Variants in ATRN observed in about 807,000 individuals in gnomAD.
ATRN encodes attractin, also known as attractin-2.
A neutral mutation model predicts 178.7 loss-of-function variants in ATRN; 54 were observed. That is an observed-to-expected ratio of 0.30 (90% CI 0.24 to 0.38). The LOEUF (loss-of-function observed/expected upper bound fraction) is 0.38, where lower values mean the gene tolerates loss of function less well. ATRN is among the 10% of genes least tolerant of loss of function. ATRN has a pLI of 1.00. For missense variants in ATRN, 1,443 were observed against 1,815.1 expected, an observed-to-expected ratio of 0.79 and a Z score of 3.73; for synonymous variants, 636 against 663.0, an observed-to-expected ratio of 0.96 and a Z score of 0.63.
At chr20:3,484,094 T>A (rs1405808618) in intron 1 of ATRN, among the ~76,000 whole-genome samples, 3 of 151,944 alleles carry the variant, frequency 2.0e-5, no homozygotes, top group Non-Finnish European at 4.4e-5. Context: ...TAAAAAAATT[T>A]AAAAATTTGC....
At chr20:3,606,422 T>G (rs2086677912) in intron 24 of ATRN, among the ~76,000 whole-genome samples, 1 of 58,100 alleles carries the variant, frequency 1.7e-5, no homozygotes, top group African/African-American at 6.8e-5. Context: ...TCAGACCTGG[T>G]CCTTTTCTCT....
In ATRN at chr20:3,587,154, A is replaced by G. The variant is rs371446475; in HGVS notation, c.3184+2274A>G. On this transcript the variant is annotated intron_variant, in intron 18 of 28. Coordinates refer to ENST00000262919, the MANE Select transcript of ATRN (RefSeq NM_139321.3). The stretch of plus-strand genomic sequence containing the variant: ...TCCCTTATTGGATATATTATTTGCA[A>G]ATACTTTCTCCCATTATATGGGTTT... Among the ~76,000 whole-genome samples the G allele has an allele frequency of 3.3e-5, 5 of 152,284 alleles. No homozygotes were observed. In the South Asian group the frequency reaches 6.2e-4, roughly 19 times the overall value.
At chr20:3,637,500 C>T (rs751076544) in intron 26 of ATRN, among the ~76,000 whole-genome samples, 2 of 151,990 alleles carry the variant, frequency 1.3e-5, no homozygotes, top group Non-Finnish European at 2.9e-5. Context: ...ATAAAAATGC[C>T]CTTCTAGAAC....
intron 1 of ATRN, among the ~76,000 whole-genome samples, chr20:3,495,868 A>G (rs376263645): frequency 4.6e-5 from 7 of 152,072 alleles, no homozygotes; most frequent in African/African-American, 1.4e-4. Context: ...ATTTTTGTGC[A>G]TATATATAAA....
chr20:3,564,270 AGAGC>A (rs1328476836), intron 10 of ATRN, among the ~76,000 whole-genome samples: 1 of 152,258 alleles, frequency 6.6e-6, no homozygotes, highest in Non-Finnish European at 1.5e-5. Context: ...AGAATGTATG[AGAGC>A]ACCTCTGAGT....
chr20:3,601,868 A>G (rs557961208), intron 23 of ATRN, among the ~76,000 whole-genome samples: 101 of 92,754 alleles, frequency 1.1e-3, no homozygotes, highest in African/African-American at 3.7e-3. Flanking sequence ...CCATCTCTTT[A>G]AAAAAAAAAA....
chr20:3,492,703 A>G (rs2084812023), intron 1 of ATRN, among the ~76,000 whole-genome samples: 1 of 151,914 alleles, frequency 6.6e-6, no homozygotes, highest in Admixed American at 6.6e-5. Context: ...GGGAGAAGCT[A>G]TTTTATCATT....
Position 3,471,322 on chromosome 20 carries a change from T to C in ATRN, c.215T>C (p.Leu72Pro), listed in dbSNP as rs1039364929. 169 of 1,441,594 alleles carry C rather than the reference T, an allele frequency of 1.2e-4. No individual in the cohort carries two copies. The highest frequency in any genetic ancestry group is 3.7e-4 in the Admixed American group (14 of 38,346). 89.3% of individuals were successfully genotyped at this position (1,441,594 alleles called of 1,614,324 possible). ...CTGCTGTTGTTGCTCTCGCCGCCGC[T>C]GCTGCTGCTGCTGCTGCCCTGTGAG... ...LLLLLLLSPPLLLLLLPCEAE... is the reference protein window; with the variant it reads ...LLLLLLLSPPPLLLLLPCEAE... Residue 72 changes from leucine to proline, a missense_variant, in exon 1 of 29, where the codon CTG (leucine) becomes CCG (proline). Physicochemically the swap from Leu to Pro is moderately conservative, Grantham distance 98. Around this residue, in one of 4 missense-constraint regions of ATRN, gnomAD observed 862 missense variants for 972.1 expected, o/e 0.89. Transcript: ENST00000262919.
rs534798438 is a variant in ATRN, at chr20:3,523,863, T to A, written c.411-11390T>A. Among the ~76,000 whole-genome samples the A allele has an allele frequency of 7.2e-5, 11 of 152,294 alleles. No homozygotes were observed. In the East Asian group the frequency reaches 2.1e-3, roughly 29 times the overall value. The stretch of plus-strand genomic sequence containing the variant: ...AATAAAATTATTTACAGACAAGCAA[T>A]TGCTGAGATATTTTGTCATCACCAG... On this transcript the variant is annotated intron_variant, in intron 1 of 28. Coordinates refer to ENST00000262919, the MANE Select transcript of ATRN (RefSeq NM_139321.3).
At chr20:3,478,054 CTGTT>C (rs2084554722) in intron 1 of ATRN, among the ~76,000 whole-genome samples, 1 of 152,124 alleles carries the variant, frequency 6.6e-6, no homozygotes. Flanking sequence ...CTCTTTCTAC[CTGTT>C]TGTTTTTTTC....
chr20:3,650,433 T>C lies in ATRN; in HGVS notation c.*3586T>C, dbSNP rs1182176674. 6.6e-6 allele frequency: 1 copy of C among 152,628 alleles called. No homozygotes were observed. Among genetic ancestry groups the C allele is most frequent in the Admixed American group, 6.5e-5 (1 of 15,280 alleles). 9.5% of individuals were successfully genotyped at this position (152,628 alleles called of 1,614,324 possible). ...ACACCCCTGTCATCCCAGGAGATCT[T>C]TCCTTGTGGTGGTTTCTGTGAGAAT... is the stretch of plus-strand genomic sequence containing the variant. On this transcript the variant is annotated 3_prime_UTR_variant, in exon 29 of 29. Coordinates refer to ENST00000262919, the MANE Select transcript of ATRN (RefSeq NM_139321.3).
At chr20:3,587,476 G>T (rs1424928073) in intron 18 of ATRN, among the ~76,000 whole-genome samples, 1 of 54,990 alleles carries the variant, frequency 1.8e-5, no homozygotes, top group Non-Finnish European at 3.2e-5. Flanking sequence ...TTGTTGAAAA[G>T]ATTTTTTTTT....
At chr20:3,615,603 T>C (rs1365632041) in intron 24 of ATRN, among the ~76,000 whole-genome samples, 7 of 143,884 alleles carry the variant, frequency 4.9e-5, no homozygotes, top group Non-Finnish European at 9.1e-5. Flanking sequence ...TCGCCCAGGC[T>C]GGAGTACAGT....
intron 16 of ATRN, among the ~76,000 whole-genome samples, chr20:3,582,618 G>T (rs1248218111): frequency 5.3e-5 from 8 of 152,114 alleles, no homozygotes; most frequent in Non-Finnish European, 1.2e-4. Context: ...AGATTGATAG[G>T]TTTATTGACC....
intron 6 of ATRN, among the ~76,000 whole-genome samples, chr20:3,557,840 AC>A (rs1311258268): frequency 6.6e-6 from 1 of 152,248 alleles, no homozygotes; most frequent in Non-Finnish European, 1.5e-5. Context: ...TTTAAATTCA[AC>A]CTCTAAATAA....
intron 2 of ATRN, among the ~76,000 whole-genome samples, chr20:3,536,374 AAGTTTTTGTATCTTGT>A (rs2085533451): frequency 6.6e-6 from 1 of 151,800 alleles, no homozygotes; most frequent in South Asian, 2.1e-4. Context: ...ATGCCCAGCT[AAGTTTTTGTATCTTGT>A]AGTAGAGACA....
chr20:3,480,589 C>G (rs1258076089), intron 1 of ATRN, among the ~76,000 whole-genome samples: 1 of 152,128 alleles, frequency 6.6e-6, no homozygotes, highest in East Asian at 1.9e-4. Context: ...TACAGTAGAA[C>G]AATTCCTAAC....
At chr20:3,531,511 C>G (rs1159506599) in intron 1 of ATRN, among the ~76,000 whole-genome samples, 1 of 151,756 alleles carries the variant, frequency 6.6e-6, no homozygotes. Context: ...TAGGGAAAGG[C>G]AGGAAAAAGT....
chr20:3,559,697 T>G (rs1206792974), intron 7 of ATRN, among the ~76,000 whole-genome samples: 1 of 152,220 alleles, frequency 6.6e-6, no homozygotes, highest in Non-Finnish European at 1.5e-5. Flanking sequence ...TAATGGGGTA[T>G]TATAATAATG....
Sources: gnomAD v4.1 joint callset for allele counts (sites outside exome capture counted in the v4.1 genomes callset) on GRCh38, gnomAD v4.1.1 for gene constraint, gnomAD v4.1.1 regional missense constraint, MANE v1.5 for transcripts, NCBI Gene and HGNC (gene_info 2026-07-23, HGNC 2026-07-21) for gene names.